The following PPP1R9A variants were observed in gnomAD, a reference collection of about 807,000 sequenced individuals.
PPP1R9A encodes the protein protein phosphatase 1 regulatory subunit 9A.
In PPP1R9A, 59 loss-of-function variants were observed where a neutral mutation model predicts 141.9. That is an observed-to-expected ratio of 0.42 (90% CI 0.34 to 0.52). PPP1R9A has a LOEUF of 0.52. Ranked by LOEUF, PPP1R9A falls within the 20% of genes least tolerant of loss-of-function variation. PPP1R9A has a pLI of 0.10. For synonymous variants in PPP1R9A, 500 were observed against 569.7 expected, an observed-to-expected ratio of 0.88 and a Z score of 1.74; for missense variants, 1,444 against 1,611.9, an observed-to-expected ratio of 0.90 and a Z score of 1.78.
At chr7:95,228,345 G>A (rs1795435652) in intron 8 of PPP1R9A, among the ~76,000 whole-genome samples, 1 of 152,152 alleles carries the variant, frequency 6.6e-6, no homozygotes, top group Non-Finnish European at 1.5e-5. Flanking sequence ...TTTATGGAAT[G>A]AATGGTGTCA....
intron 12 of PPP1R9A, among the ~76,000 whole-genome samples, chr7:95,255,113 G>C (rs1055595951): frequency 6.6e-6 from 1 of 151,934 alleles, no homozygotes; most frequent in Non-Finnish European, 1.5e-5. Flanking sequence ...TCCAGGAAAG[G>C]AAAAATGATA....
Position 95,290,318 on chromosome 7 carries a change from C to T in PPP1R9A, c.*15C>T. 1 of 1,599,126 alleles carries T rather than the reference C, an allele frequency of 6.3e-7. No homozygotes were observed. Among genetic ancestry groups the T allele is most frequent in the Non-Finnish European group, 8.5e-7 (1 of 1,172,590 alleles). ...GTGAGCAGTAACACATACCCTCTTA[C>T]AGATGATGGAGATGCTCCAAGAGAA... On this transcript the variant is annotated 3_prime_UTR_variant, in exon 20 of 20. Transcript: ENST00000433360.
rs541431674 is a variant in PPP1R9A, at chr7:95,157,258, T to TC, written c.1650-4601dup. Among the ~76,000 whole-genome samples the TC allele has an allele frequency of 8.4e-3, 1,275 of 151,100 alleles. 27 individuals are homozygous for TC. The highest frequency in any genetic ancestry group is 0.042 in the Admixed American group (638 of 15,170). ...AGGGGGGCCTTCTCAGCTCCCCCTC[T>TC]CCCCCCCCAGAGTGCAGGGATACCT... On this transcript the variant is annotated intron_variant, in intron 4 of 19. Transcript: ENST00000433360.
At chr7:95,118,272 A>T (rs774103037) in intron 3 of PPP1R9A, among the ~76,000 whole-genome samples, 8 of 152,344 alleles carry the variant, frequency 5.3e-5, no homozygotes, top group South Asian at 2.1e-4. Context: ...TAACAAGATA[A>T]ATCCTCTTGA....
chr7:94,973,598 A>G (rs1799102301), intron 2 of PPP1R9A, among the ~76,000 whole-genome samples: 1 of 152,174 alleles, frequency 6.6e-6, no homozygotes. Context: ...GGGACAAGAG[A>G]GAGATAGGGA....
intron 6 of PPP1R9A, chr7:95,202,734 TGTAATTATG>T (rs1396871907): frequency 2.6e-5 from 6 of 227,780 alleles, no homozygotes; most frequent in Non-Finnish European, 4.4e-5. Context: ...AGTGAGATGA[TGTAATTATG>T]GTATATATTT....
chr7:94,982,976 A>G (rs1459333011), intron 2 of PPP1R9A, among the ~76,000 whole-genome samples: 1 of 152,150 alleles, frequency 6.6e-6, no homozygotes, highest in Non-Finnish European at 1.5e-5. Context: ...TCTTTAATCC[A>G]TCTTGAATTA....
At chr7:95,151,952 T>C (rs1434082981) in intron 4 of PPP1R9A, among the ~76,000 whole-genome samples, 3 of 125,496 alleles carry the variant, frequency 2.4e-5, no homozygotes, top group Non-Finnish European at 5.0e-5. Flanking sequence ...TTTTTTTTTT[T>C]TTTTTTTTTT....
At position 95,016,816 on chromosome 7, in the gene PPP1R9A, A is replaced by G. The variant is rs950261660; in HGVS notation, c.1396-94443A>G. The stretch of plus-strand genomic sequence containing the variant: ...TGTAATGGAGGTCCCAGCCATTGTA[A>G]TAAGGTATGTGTTATGGATTGAATC... On this transcript the variant is annotated intron_variant, in intron 2 of 19. Coordinates refer to ENST00000433360, the MANE Select transcript of PPP1R9A (RefSeq NM_001166160.2). 1.4e-4 allele frequency among the ~76,000 whole-genome samples: 21 copies of G among 152,236 alleles called. 1 individual carries two copies. Among genetic ancestry groups the G allele is most frequent in the African/African-American group, 3.6e-4 (15 of 41,568 alleles).
At chr7:95,077,223 A>G (rs558871913) in intron 2 of PPP1R9A, among the ~76,000 whole-genome samples, 24 of 152,110 alleles carry the variant, frequency 1.6e-4, no homozygotes, top group Non-Finnish European at 2.8e-4. Flanking sequence ...TTTTGTTTCT[A>G]ATAATCACTT....
intron 17 of PPP1R9A, among the ~76,000 whole-genome samples, chr7:95,285,741 A>T (rs533570992): frequency 2.6e-5 from 4 of 152,178 alleles, no homozygotes; most frequent in Admixed American, 1.3e-4. Flanking sequence ...GCCATTTCTC[A>T]TAGTATTTAT....
chr7:95,025,965 G>T (rs957112077), intron 2 of PPP1R9A, among the ~76,000 whole-genome samples: 3 of 152,102 alleles, frequency 2.0e-5, no homozygotes, highest in Non-Finnish European at 4.4e-5. Flanking sequence ...ATTCTAGTTA[G>T]CAAATTCCTC....
intron 2 of PPP1R9A, among the ~76,000 whole-genome samples, chr7:95,008,533 C>T (rs544040971): frequency 2.6e-4 from 39 of 152,242 alleles, no homozygotes; most frequent in Admixed American, 4.6e-4. Flanking sequence ...ACATGATAGT[C>T]CTTACTGCTT....
intron 2 of PPP1R9A, among the ~76,000 whole-genome samples, chr7:95,077,895 G>T (rs1303629526): frequency 6.6e-6 from 1 of 151,702 alleles, no homozygotes; most frequent in Non-Finnish European, 1.5e-5. Context: ...TTCATTTCCT[G>T]CCACAGAGGG....
intron 2 of PPP1R9A, among the ~76,000 whole-genome samples, chr7:94,920,999 AC>A: frequency 6.6e-6 from 1 of 152,316 alleles, no homozygotes; most frequent in East Asian, 1.9e-4. Flanking sequence ...CATGGAGGCT[AC>A]ATTCATATCA....
chr7:94,939,289 TTA>T (rs200649719), intron 2 of PPP1R9A, among the ~76,000 whole-genome samples: 3,646 of 152,234 alleles, frequency 0.024, 159 homozygotes, highest in African/African-American at 0.083. Context: ...AAAAGCATTA[TTA>T]TTTACATTGG....
At chr7:94,995,522 AT>A (rs1287014144) in intron 2 of PPP1R9A, among the ~76,000 whole-genome samples, 1 of 150,796 alleles carries the variant, frequency 6.6e-6, no homozygotes, top group African/African-American at 2.4e-5. Flanking sequence ...TGTGTGTCTC[AT>A]TTTGGATAGT....
chr7:95,160,116 GTAT>G (rs1268664659), intron 4 of PPP1R9A, among the ~76,000 whole-genome samples: 1 of 151,778 alleles, frequency 6.6e-6, no homozygotes, highest in East Asian at 1.9e-4. Flanking sequence ...AAATGTAAAA[GTAT>G]TATACAATAA....
intron 4 of PPP1R9A, among the ~76,000 whole-genome samples, chr7:95,159,673 C>A (rs1281915358): frequency 6.6e-6 from 1 of 151,940 alleles, no homozygotes; most frequent in African/African-American, 2.4e-5. Flanking sequence ...CCTGTAATCC[C>A]AGCATTTTGG....
Sources: gnomAD v4.1 joint callset for allele counts (sites outside exome capture counted in the v4.1 genomes callset) on GRCh38, gnomAD v4.1.1 for gene constraint, MANE v1.5 for transcripts, NCBI Gene and HGNC (gene_info 2026-07-23, HGNC 2026-07-21) for gene names.